The following BRD1 variants were observed in gnomAD, a reference collection of about 807,000 sequenced individuals.
BRD1 encodes bromodomain containing 1.
Under a neutral mutation model 107.7 loss-of-function variants are expected in BRD1, and 24 were observed. The observed-to-expected ratio is 0.22, with a 90% CI of 0.16 to 0.31. The LOEUF (loss-of-function observed/expected upper bound fraction) is 0.31, where lower values mean the gene tolerates loss of function less well. Ranked by LOEUF, BRD1 falls within the 10% of genes least tolerant of loss-of-function variation. The pLI is 1.00. For missense variants in BRD1, 1,279 were observed against 1,638.6 expected (o/e 0.78, Z 3.79); for synonymous variants, 744 against 686.1 (o/e 1.08, Z -1.32).
At chr22:49,791,705 C>T (rs2059437978) in intron 7 of BRD1, among the ~76,000 whole-genome samples, 1 of 152,054 alleles carries the variant, frequency 6.6e-6, no homozygotes, top group South Asian at 2.1e-4. Flanking sequence ...CCCCCATCTT[C>T]TCTGAGGGGC....
At chr22:49,797,029 T>C (rs2059547715) in intron 6 of BRD1, among the ~76,000 whole-genome samples, 1 of 152,220 alleles carries the variant, frequency 6.6e-6, no homozygotes, top group South Asian at 2.1e-4. Flanking sequence ...GGCTCAGAGC[T>C]GGAGCTGAGG....
intron 2 of BRD1, among the ~76,000 whole-genome samples, chr22:49,815,755 G>C (rs1003238320): frequency 6.6e-6 from 1 of 152,206 alleles, no homozygotes; most frequent in Non-Finnish European, 1.5e-5. Context: ...CCTCATACAG[G>C]AGAGCAGGCG....
intron 8 of BRD1, among the ~76,000 whole-genome samples, chr22:49,784,230 A>G (rs1023305143): frequency 6.7e-6 from 1 of 149,332 alleles, no homozygotes. Context: ...GTGGACAAAG[A>G]CACCCCCGCG....
intron 2 of BRD1, among the ~76,000 whole-genome samples, chr22:49,821,968 T>C (rs764652723): frequency 2.6e-5 from 4 of 152,122 alleles, no homozygotes; most frequent in Non-Finnish European, 5.9e-5. Context: ...CTGCAGCAAG[T>C]GGGGGGCACA....
intron 12 of BRD1, among the ~76,000 whole-genome samples, chr22:49,774,906 C>T (rs1366124871): frequency 6.6e-6 from 1 of 152,262 alleles, no homozygotes; most frequent in Non-Finnish European, 1.5e-5. Context: ...CTGCTCCAGG[C>T]ACACCATAGG....
At chr22:49,781,671 G>A (rs757075469) in intron 8 of BRD1, among the ~76,000 whole-genome samples, 8 of 152,266 alleles carry the variant, frequency 5.3e-5, no homozygotes, top group Non-Finnish European at 8.8e-5. Context: ...GGGAAGCTTG[G>A]CCGTATGAAG....
At chr22:49,796,918 C>T (rs550055861) in intron 6 of BRD1, among the ~76,000 whole-genome samples, 4 of 152,364 alleles carry the variant, frequency 2.6e-5, no homozygotes, top group East Asian at 1.9e-4. Flanking sequence ...CGACCTAGCA[C>T]GGGTCAGTGA....
At chr22:49,776,970 G>A (rs56234215) in intron 10 of BRD1, 64 bp downstream of exon 10, 87 of 1,600,454 alleles carry the variant, frequency 5.4e-5, no homozygotes, top group Non-Finnish European at 7.2e-5. Flanking sequence ...GTCCCCAGCA[G>A]TCGAGCCCTA....
chr22:49,776,846 G>A (rs1383508263), intron 10 of BRD1, among the ~76,000 whole-genome samples, 188 bp downstream of exon 10: 2 of 152,048 alleles, frequency 1.3e-5, no homozygotes, highest in African/African-American at 2.4e-5. Context: ...ACCTCCGCAG[G>A]CACCCCGGCA....
chr22:49,774,396 T>C lies in BRD1; in HGVS notation c.3407A>G (p.Lys1136Arg), dbSNP rs2059039849. 1 of 1,608,658 alleles carries C rather than the reference T, an allele frequency of 6.2e-7. No homozygotes were observed. The highest frequency in any genetic ancestry group is 1.7e-5 in the Admixed American group (1 of 59,352). The part of the protein sequence containing the change: ...KRSWQWLPKS[K>R]MVPLGIDETI... ...TTCGTCAATACCAAGGGGAACCATT[T>C]TGGACTTAGGAAGCCACTGCCTTTT... is the stretch of plus-strand genomic sequence containing the variant. Residue 1136 changes from lysine (K) to arginine (R), a missense_variant, in exon 13 of 13, where the codon AAA (lysine) becomes AGA (arginine). Physicochemically the swap from Lys to Arg is conservative, Grantham distance 26. Around this residue, in one of 7 missense-constraint regions of BRD1, gnomAD observed 136 missense variants for 196.8 expected, o/e 0.69. Transcript: ENST00000404760.
chr22:49,798,918 G>A, intron 4 of BRD1, 70 bp downstream of exon 4: 1 of 1,527,678 alleles, frequency 6.5e-7, no homozygotes, highest in Non-Finnish European at 8.8e-7. Flanking sequence ...ACCCTCTGCA[G>A]GAGCTGCCAG....
At chr22:49,812,255 G>A (rs138866) in intron 2 of BRD1, among the ~76,000 whole-genome samples, 54,344 of 151,740 alleles carry the variant, frequency 0.36, 14,150 homozygotes, top group African/African-American at 0.74. Context: ...CCACAAAGAC[G>A]ATCCAAAAGA....
chr22:49,798,772 C>T, intron 4 of BRD1, 86 bp from the exon 5 acceptor site: 1 of 1,464,290 alleles, frequency 6.8e-7, no homozygotes. Context: ...CAAGCAGCCC[C>T]CACAGGCTCC....
Position 49,803,742 on chromosome 22 carries a change from G to A in BRD1, c.1524+462C>T, listed in dbSNP as rs138233648. Among the ~76,000 whole-genome samples, 178 of 152,012 alleles carry A rather than the reference G, an allele frequency of 1.2e-3. No homozygotes were observed. The highest frequency in any genetic ancestry group is 4.1e-3 in the African/African-American group (171 of 41,412). ...AACCAACCTTCAGAGCAAGGCCCTC[G>A]AAATAAACCACTCCTCACATATTTC... On this transcript the variant is annotated intron_variant, in intron 3 of 12. Transcript: ENST00000404760. The surrounding 1 kb of genome is among the most constrained non-coding windows in gnomAD (Gnocchi z 4.4).
At chr22:49,826,606 G>T (rs2060150803) in intron 1 of BRD1, among the ~76,000 whole-genome samples, 1 of 152,230 alleles carries the variant, frequency 6.6e-6, no homozygotes, top group Non-Finnish European at 1.5e-5. Context: ...GGAGAAGCCG[G>T]CCACGCGCCG....
At chr22:49,801,442 G>C (rs944228503) in intron 3 of BRD1, among the ~76,000 whole-genome samples, 30 of 152,204 alleles carry the variant, frequency 2.0e-4, no homozygotes, top group African/African-American at 7.0e-4. Context: ...AGACACAGAG[G>C]AATCAAATGC....
intron 2 of BRD1, among the ~76,000 whole-genome samples, chr22:49,807,670 G>A (rs913128790): frequency 6.6e-6 from 1 of 152,076 alleles, no homozygotes; most frequent in African/African-American, 2.4e-5. Flanking sequence ...AAAACAGAAG[G>A]GAAAAGCTTC....
chr22:49,827,752 C>G lies in BRD1; in HGVS notation c.-270G>C, dbSNP rs1182168538. 7.0e-6 allele frequency among the ~76,000 whole-genome samples: 1 copy of G among 143,012 alleles called. No homozygotes were observed. Among genetic ancestry groups the G allele is most frequent in the Non-Finnish European group, 1.5e-5 (1 of 64,954 alleles). The allele number at this position is 143,012 out of a possible 152,430, so 93.8% of individuals were successfully genotyped here. On this transcript the variant is annotated 5_prime_UTR_variant, in exon 1 of 13. Transcript: ENST00000404760. ...CCAGCTGGAGGCCCGGCTCGGGGGGCCCGGCCGGCGGGCGCGGGCGCGGGC... is the reference window on the plus strand; with the variant it reads ...CCAGCTGGAGGCCCGGCTCGGGGGGGCCGGCCGGCGGGCGCGGGCGCGGGC...
chr22:49,819,039 C>T (rs750647171), intron 2 of BRD1, among the ~76,000 whole-genome samples: 7 of 151,394 alleles, frequency 4.6e-5, no homozygotes, highest in African/African-American at 1.7e-4. Flanking sequence ...AGGCAGATCA[C>T]CTGAAGTCAC....
Sources: gnomAD v4.1 joint callset for allele counts (sites outside exome capture counted in the v4.1 genomes callset) on GRCh38, gnomAD v4.1.1 for gene constraint, gnomAD v4.1.1 regional missense constraint, Gnocchi (gnomAD v3.1) non-coding constraint, MANE v1.5 for transcripts, NCBI Gene and HGNC (gene_info 2026-07-23, HGNC 2026-07-21) for gene names.